The following WDR93 variants were observed in gnomAD, a reference collection of about 807,000 sequenced individuals.
WDR93 encodes the protein WD repeat domain 93, also known as WD repeat-containing protein 93.
WDR93 carries 73 observed loss-of-function variants against 82.9 expected under a neutral mutation model. The observed-to-expected ratio is 0.88, with a 90% CI of 0.73 to 1.07. The LOEUF (loss-of-function observed/expected upper bound fraction) is 1.07, where lower values mean the gene tolerates loss of function less well. Among genes scored for constraint, WDR93 ranks in the 50% least tolerant of loss-of-function variants. The probability of loss-of-function intolerance (pLI) is 0.00; values close to 1 mark genes in which losing one functional copy is unlikely to be tolerated. For synonymous variants in WDR93, 283 were observed against 300.1 expected, an observed-to-expected ratio of 0.94 and a Z score of 0.59; for missense variants, 738 against 826.0, an observed-to-expected ratio of 0.89 and a Z score of 1.31.
At chr15:89,738,840 C>T (rs1011598664) in intron 16 of WDR93, among the ~76,000 whole-genome samples, 1 of 151,670 alleles carries the variant, frequency 6.6e-6, no homozygotes, top group African/African-American at 2.4e-5. Flanking sequence ...TTAGGCCAGG[C>T]CCGGTGGCTC....
intron 5 of WDR93, 34 bp downstream of exon 5, chr15:89,712,138 T>C: frequency 6.5e-7 from 1 of 1,533,162 alleles, no homozygotes; most frequent in Non-Finnish European, 9.0e-7. Context: ...AGGTTCAAAT[T>C]TTCAGTCTCT....
At chr15:89,732,984 C>A in intron 12 of WDR93, 22 bp from the exon 13 acceptor site, 1 of 1,612,182 alleles carries the variant, frequency 6.2e-7, no homozygotes, top group Admixed American at 1.7e-5. Context: ...TTCTGACCGG[C>A]TTGTGTGATT....
At chr15:89,716,837 A>G in intron 6 of WDR93, 74 bp from the exon 7 acceptor site, 1 of 1,032,296 alleles carries the variant, frequency 9.7e-7, no homozygotes. Flanking sequence ...AAGAGAGAGC[A>G]TGCCAGAAGA....
intron 1 of WDR93, among the ~76,000 whole-genome samples, chr15:89,697,470 T>C (rs1965239148): frequency 6.6e-6 from 1 of 152,198 alleles, no homozygotes; most frequent in Non-Finnish European, 1.5e-5. Flanking sequence ...TATTGATTTC[T>C]AAAATAATTC....
chr15:89,742,531 T>G (rs557996579), intron 16 of WDR93, among the ~76,000 whole-genome samples: 3 of 152,078 alleles, frequency 2.0e-5, no homozygotes, highest in African/African-American at 7.2e-5. Context: ...TTTAAACAAC[T>G]CTTACTTTTT....
At chr15:89,706,455 T>C (rs1965732403) in intron 4 of WDR93, among the ~76,000 whole-genome samples, 1 of 152,066 alleles carries the variant, frequency 6.6e-6, no homozygotes, top group Admixed American at 6.6e-5. Context: ...ATAGTAGATT[T>C]TTTTATTATA....
At chr15:89,718,146 G>A (rs1338011615) in intron 7 of WDR93, among the ~76,000 whole-genome samples, 1 of 152,072 alleles carries the variant, frequency 6.6e-6, no homozygotes, top group Admixed American at 6.6e-5. Context: ...TTTGAGACCA[G>A]CCTGGGCAAC....
At position 89,743,357 on chromosome 15, in the gene WDR93, C is replaced by T. The variant is rs370095257; in HGVS notation, c.2027C>T (p.Ser676Phe). Residue 676 changes from serine to phenylalanine, a missense_variant, in exon 17 of 17, where the codon TCC becomes TTC. Ser to Phe is a radical substitution (Grantham distance 155). Coordinates refer to ENST00000268130, the MANE Select transcript of WDR93 (RefSeq NM_020212.2). ...CACTGGGCCCGGCTTCAGAGGTACTCCTTGTCGCTCCAGAGAGAGAACTTC... is the reference window on the plus strand; with the variant it reads ...CACTGGGCCCGGCTTCAGAGGTACTTCTTGTCGCTCCAGAGAGAGAACTTC... ...EEHWARLQRYSLSLQRENFKK is the reference protein window; with the variant it reads ...EEHWARLQRYFLSLQRENFKK 3.0e-5 allele frequency: 48 copies of T among 1,614,050 alleles called. No homozygotes were observed. Among genetic ancestry groups the T allele is most frequent in the Non-Finnish European group, 4.1e-5 (48 of 1,180,040 alleles).
Position 89,737,687 on chromosome 15 carries a change from G to C in WDR93, c.1723G>C (p.Val575Leu), listed in dbSNP as rs753232501. The change falls in exon 15 of 17, where the codon GTG becomes CTG. Residue 575 changes from valine (V) to leucine (L), a missense_variant. Transcript: ENST00000268130. ...AFPLEVPWKP[V>L]FAVSPDHPCF... ...TCCTCTGGAGGTCCCCTGGAAGCCA[G>C]TGTTTGCTGTGTCTCCAGACCATCC... 2.5e-6 allele frequency: 4 copies of C among 1,614,080 alleles called. No homozygotes were observed. The African/African-American group carries it at 5.3e-5, about 22-fold the overall frequency.
At chr15:89,706,464 T>C (rs968462019) in intron 4 of WDR93, among the ~76,000 whole-genome samples, 1 of 152,084 alleles carries the variant, frequency 6.6e-6, no homozygotes, top group Non-Finnish European at 1.5e-5. Flanking sequence ...TTTTTTATTA[T>C]AATTTGTCTT....
chr15:89,733,456 G>A (rs1431778000), intron 13 of WDR93, among the ~76,000 whole-genome samples: 1 of 152,178 alleles, frequency 6.6e-6, no homozygotes, highest in Admixed American at 6.5e-5. Context: ...CAAAACCCAT[G>A]TGAAAACTCA....
chr15:89,691,145 A>G lies in WDR93; in HGVS notation c.-41+288A>G, dbSNP rs1964856970. The stretch of plus-strand genomic sequence containing the variant: ...CTTTCCCTTGAGCTACACCAGCTCT[A>G]TGTCTGGTGAAGGAAGTGGTTAGGT... On this transcript the variant is annotated intron_variant, in intron 1 of 16. Transcript: ENST00000268130. Among the ~76,000 whole-genome samples the G allele has an allele frequency of 2.0e-5, 3 of 152,130 alleles. No homozygotes were observed. The South Asian group carries it at 6.2e-4, about 31-fold the overall frequency.
At chr15:89,706,222 C>T (rs1260381029) in intron 4 of WDR93, among the ~76,000 whole-genome samples, 2 of 152,164 alleles carry the variant, frequency 1.3e-5, no homozygotes, top group East Asian at 3.8e-4. Context: ...TTTGAATCCC[C>T]TTTTCCCAGA....
chr15:89,725,665 C>A (rs1966709914), intron 8 of WDR93, among the ~76,000 whole-genome samples: 1 of 151,114 alleles, frequency 6.6e-6, no homozygotes, highest in Non-Finnish European at 1.5e-5. Flanking sequence ...GCTTCCCAAG[C>A]AATCCTCCCA....
At chr15:89,740,269 T>C (rs1967552332) in intron 16 of WDR93, among the ~76,000 whole-genome samples, 1 of 152,188 alleles carries the variant, frequency 6.6e-6, no homozygotes, top group Non-Finnish European at 1.5e-5. Context: ...GCTTCCTAGC[T>C]CATACCTGCA....
intron 7 of WDR93, among the ~76,000 whole-genome samples, chr15:89,720,443 T>A (rs1005099604): frequency 2.6e-5 from 4 of 152,070 alleles, no homozygotes; most frequent in African/African-American, 9.7e-5. Context: ...CAGCTAATTT[T>A]TGTATTTTTA....
At chr15:89,742,869 G>C (rs1255897784) in intron 16 of WDR93, among the ~76,000 whole-genome samples, 1 of 152,200 alleles carries the variant, frequency 6.6e-6, no homozygotes, top group Non-Finnish European at 1.5e-5. Context: ...AACTCAAACT[G>C]TCTTTATAAA....
chr15:89,737,819 C>T (rs932574714), intron 15 of WDR93, 90 bp downstream of exon 15: 3 of 1,549,868 alleles, frequency 1.9e-6, no homozygotes, highest in East Asian at 2.3e-5. Flanking sequence ...ATCTCCTCCC[C>T]ACTCTGTGTC....
chr15:89,722,178 T>G (rs1408435666), intron 8 of WDR93, 39 bp downstream of exon 8: 1 of 1,387,138 alleles, frequency 7.2e-7, no homozygotes, highest in African/African-American at 1.5e-5. Context: ...TGCCATTGAT[T>G]TATCTGTTCT....
Sources: allele counts gnomAD v4.1 joint callset (sites outside exome capture counted in the v4.1 genomes callset), GRCh38; gene constraint gnomAD v4.1.1; transcripts MANE v1.5; gene names NCBI Gene and HGNC (gene_info 2026-07-23, HGNC 2026-07-21).